The following STAM2 variants were observed in gnomAD, a reference collection of about 807,000 sequenced individuals.
STAM2 encodes signal transducing adapter molecule 2.
In STAM2, 51 loss-of-function variants were observed where a neutral mutation model predicts 65.6. That is an observed-to-expected ratio of 0.78 (90% confidence interval 0.62 to 0.98). The LOEUF is 0.98. Ranked by LOEUF, STAM2 falls within the 50% of genes least tolerant of loss-of-function variation. The pLI is 0.00. For synonymous variants in STAM2, 198 were observed against 208.4 expected (o/e 0.95, Z 0.43); for missense variants, 584 against 617.8 (o/e 0.95, Z 0.58).
At position 152,120,819 on chromosome 2, in the gene STAM2, A is replaced by G. The variant is rs1185519422; in HGVS notation, c.1350-17T>C. On this transcript the variant is annotated splice_polypyrimidine_tract_variant and intron_variant, in intron 13 of 13. Transcript: ENST00000263904. Reference sequence around the variant, plus strand: ...TGTCCAGTGCTACAAACAAAATTTTAAAAAGAAAACCATATTTACTTTGCA... The same window carrying G: ...TGTCCAGTGCTACAAACAAAATTTTGAAAAGAAAACCATATTTACTTTGCA... 1 of 1,597,168 alleles carries G rather than the reference A, an allele frequency of 6.3e-7. No individual in the cohort carries two copies. The highest frequency in any genetic ancestry group is 8.6e-7 in the Non-Finnish European group (1 of 1,164,840).
intron 1 of STAM2, among the ~76,000 whole-genome samples, chr2:152,157,190 A>C (rs2105557533): frequency 6.6e-6 from 1 of 152,320 alleles, no homozygotes; most frequent in South Asian, 2.1e-4. Flanking sequence ...GATTAACCAG[A>C]GGCCCTTGGC....
chr2:152,144,210 T>C (rs1689299972), intron 6 of STAM2, among the ~76,000 whole-genome samples, 197 bp from the exon 7 acceptor site: 1 of 152,034 alleles, frequency 6.6e-6, no homozygotes, highest in East Asian at 1.9e-4. Flanking sequence ...CATTCTTTAT[T>C]ATCACGGTCT....
Position 152,119,690 on chromosome 2 carries a change from C to T in STAM2, c.*884G>A, listed in dbSNP as rs1688814076. On this transcript the variant is annotated 3_prime_UTR_variant, in exon 14 of 14. Transcript: ENST00000263904. ...ATCTTCATTAGAGAATAGCCAAAATCACTTGAAAAGGTTATTAGTGACAAT... is the reference window on the plus strand; with the variant it reads ...ATCTTCATTAGAGAATAGCCAAAATTACTTGAAAAGGTTATTAGTGACAAT... 1.3e-5 allele frequency: 2 copies of T among 152,178 alleles called. No individual in the cohort carries two copies. The highest frequency in any genetic ancestry group is 4.1e-4 in the South Asian group (2 of 4,836). 9.4% of individuals were successfully genotyped at this position (152,178 alleles called of 1,614,324 possible). A position where few individuals can be genotyped will look rare whatever the true frequency, so the allele number is the denominator to read the frequency against.
chr2:152,131,681 G>A, intron 11 of STAM2: 1 of 192,014 alleles, frequency 5.2e-6, no homozygotes, highest in South Asian at 1.1e-4. Flanking sequence ...AGCAAAATTG[G>A]TCATCCTCAC....
At chr2:152,146,415 G>A (rs1689338500) in intron 5 of STAM2, among the ~76,000 whole-genome samples, 1 of 151,616 alleles carries the variant, frequency 6.6e-6, no homozygotes. Flanking sequence ...AAAACCCAAG[G>A]AATAGTATTT....
At position 152,175,656 on chromosome 2, in the gene STAM2, G is replaced by C. The variant is rs199854585; in HGVS notation, c.-14C>G. On this transcript the variant is annotated 5_prime_UTR_variant, in exon 1 of 14. Transcript: ENST00000263904. ...GAACAAAGGCATCTCGCCGGCGCCC[G>C]AGCCCTAGTCGCTGCTGTCTAGCTG... 1 of 1,609,956 alleles carries C rather than the reference G, an allele frequency of 6.2e-7. No individual in the cohort carries two copies. The highest frequency in any genetic ancestry group is 2.2e-5 in the East Asian group (1 of 44,630).
chr2:152,173,403 T>TAC (rs1689938210), intron 1 of STAM2, among the ~76,000 whole-genome samples: 1 of 97,400 alleles, frequency 1.0e-5, no homozygotes, highest in African/African-American at 3.4e-5. Context: ...CATATATATA[T>TAC]ATATTTTTTT....
At chr2:152,159,685 C>T (rs1310754400) in intron 1 of STAM2, among the ~76,000 whole-genome samples, 1 of 152,046 alleles carries the variant, frequency 6.6e-6, no homozygotes, top group South Asian at 2.1e-4. Context: ...GAAAGTTTTC[C>T]TCGTTTTTAA....
chr2:152,127,058 T>C (rs566259543), intron 11 of STAM2, among the ~76,000 whole-genome samples: 1 of 152,280 alleles, frequency 6.6e-6, no homozygotes, highest in Admixed American at 6.5e-5. Context: ...AAAAGGCCAA[T>C]GGGAAACTTC....
chr2:152,143,984 GT>G lies in STAM2; in HGVS notation c.546del (p.Lys182AsnfsTer18). The G allele has an allele frequency of 6.2e-7, 1 of 1,612,212 alleles. No individual in the cohort carries two copies. The highest frequency in any genetic ancestry group is 8.5e-7 in the Non-Finnish European group (1 of 1,179,574). On this transcript the variant is annotated frameshift_variant, in exon 7 of 14. Coordinates refer to ENST00000263904, the MANE Select transcript of STAM2 (RefSeq NM_005843.6). LOFTEE classifies it high-confidence loss of function. ...KAIELSLQEQKQQHTETKSLY... is the reference protein window; with the variant it reads ...KAIELSLQEQXQQHTETKSLY... ...AAGGATTTTGTTTCTGTGTGTTGCT[GT>G]TTCTGTTCTTGCAGCGATAATTCAA...
chr2:152,154,657 A>C (rs1689510402), intron 1 of STAM2, among the ~76,000 whole-genome samples: 2 of 152,280 alleles, frequency 1.3e-5, no homozygotes, highest in South Asian at 4.1e-4. Context: ...TCAGGGTGAC[A>C]CTAATGGAAC....
At position 152,123,969 on chromosome 2, in the gene STAM2, T is replaced by C. The variant is rs776832498; in HGVS notation, c.1180-34A>G. 3.3e-5 allele frequency: 51 copies of C among 1,560,404 alleles called. No individual in the cohort carries two copies. The East Asian group carries it at 1.1e-3, about 35-fold the overall frequency. ...CAGAAAGAAAAAGTTGATTCACTCA[T>C]CTCCCAAACATGTGCCTAATAATAT... On this transcript the variant is annotated intron_variant, in intron 12 of 13. Coordinates refer to ENST00000263904, the MANE Select transcript of STAM2 (RefSeq NM_005843.6).
Position 152,120,409 on chromosome 2 carries a change from A to AC in STAM2, c.*164_*165insG. Reference sequence around the variant, plus strand: ...CAAACTGGACTGAAAAAAAAAAAAAAAAAAAACCTTTTATGGCCTTGTAGA... The same window carrying AC: ...CAAACTGGACTGAAAAAAAAAAAAAACAAAAAACCTTTTATGGCCTTGTAGA... On this transcript the variant is annotated 3_prime_UTR_variant, in exon 14 of 14. Transcript: ENST00000263904. 2 of 579,444 alleles carry AC rather than the reference A, an allele frequency of 3.5e-6. No homozygotes were observed. The highest frequency in any genetic ancestry group is 3.0e-6 in the Non-Finnish European group (1 of 337,870). The allele number at this position is 579,444 out of a possible 1,614,324, so 35.9% of individuals were successfully genotyped here. A position where few individuals can be genotyped will look rare whatever the true frequency, so the allele number is the denominator to read the frequency against.
chr2:152,143,330 G>A (rs963367162), intron 7 of STAM2, among the ~76,000 whole-genome samples: 2 of 152,110 alleles, frequency 1.3e-5, no homozygotes, highest in African/African-American at 4.8e-5. Context: ...TCTTTTAAAA[G>A]TACAGAACAG....
intron 7 of STAM2, among the ~76,000 whole-genome samples, chr2:152,137,959 G>A (rs1689185754): frequency 6.6e-6 from 1 of 152,038 alleles, no homozygotes; most frequent in Non-Finnish European, 1.5e-5. Flanking sequence ...TGTTGCAATA[G>A]TCCATGTATC....
At chr2:152,166,942 C>G (rs181154609) in intron 1 of STAM2, among the ~76,000 whole-genome samples, 6 of 152,256 alleles carry the variant, frequency 3.9e-5, no homozygotes, top group Admixed American at 6.5e-5. Flanking sequence ...ACTAAGGGTA[C>G]GTTTACCGAC....
chr2:152,151,014 C>CA (rs991490796), intron 1 of STAM2, among the ~76,000 whole-genome samples: 2 of 151,224 alleles, frequency 1.3e-5, no homozygotes, highest in African/African-American at 4.9e-5. Context: ...TTTTCAATAG[C>CA]AAAAAGGAAA....
At chr2:152,144,718 T>C (rs959654349) in intron 6 of STAM2, 170 bp downstream of exon 6, 1 of 503,832 alleles carries the variant, frequency 2.0e-6, no homozygotes, top group Non-Finnish European at 3.6e-6. Flanking sequence ...TTTGTACTTT[T>C]AGTAGAGATG....
intron 1 of STAM2, among the ~76,000 whole-genome samples, chr2:152,173,820 T>C (rs527378500): frequency 6.6e-6 from 1 of 152,364 alleles, no homozygotes; most frequent in Admixed American, 6.5e-5. Flanking sequence ...TTCTACTTTT[T>C]CTAATTCCAT....
Sources: allele counts gnomAD v4.1 joint callset (sites outside exome capture counted in the v4.1 genomes callset), GRCh38; gene constraint gnomAD v4.1.1; transcripts MANE v1.5; gene names NCBI Gene and HGNC (gene_info 2026-07-23, HGNC 2026-07-21).